The following MCC variants were observed in gnomAD, a reference collection of about 807,000 sequenced individuals.
The protein encoded by MCC is colorectal mutant cancer protein.
MCC carries 90 observed loss-of-function variants against 116.2 expected under a neutral mutation model. The ratio of observed to expected loss-of-function variants is 0.77; its 90% CI spans 0.65 to 0.92. MCC has a LOEUF of 0.92. Ranked by LOEUF, MCC falls within the 40% of genes least tolerant of loss-of-function variation. MCC has a pLI of 0.00. For missense variants in MCC, 1,516 were observed against 1,312.2 expected, an observed-to-expected ratio of 1.16 and a Z score of -2.40; for synonymous variants, 578 against 510.5, an observed-to-expected ratio of 1.13 and a Z score of -1.78.
intron 3 of MCC, among the ~76,000 whole-genome samples, chr5:113,198,139 A>C (rs1329789068): frequency 2.0e-5 from 3 of 152,212 alleles, no homozygotes; most frequent in Non-Finnish European, 4.4e-5. Flanking sequence ...CTCGTGCCAC[A>C]TACAGAAATG....
At chr5:113,377,865 G>T (rs866335664) in intron 2 of MCC, among the ~76,000 whole-genome samples, 2 of 151,908 alleles carry the variant, frequency 1.3e-5, no homozygotes, top group Non-Finnish European at 2.9e-5. Context: ...AAATTAAATT[G>T]TTTACCCTTT....
At chr5:113,073,641 T>C (rs977461606) in intron 11 of MCC, among the ~76,000 whole-genome samples, 1 of 150,902 alleles carries the variant, frequency 6.6e-6, no homozygotes, top group Non-Finnish European at 1.5e-5. Flanking sequence ...AGAATATCAG[T>C]TCGCCATATG....
chr5:113,287,310 CT>C (rs1257651594), intron 3 of MCC, among the ~76,000 whole-genome samples: 2 of 152,138 alleles, frequency 1.3e-5, no homozygotes, highest in African/African-American at 4.8e-5. Context: ...GGATCAAAAA[CT>C]AACTTTGAAA....
chr5:113,123,273 G>A (rs1294988104), intron 5 of MCC, among the ~76,000 whole-genome samples: 1 of 152,230 alleles, frequency 6.6e-6, no homozygotes, highest in East Asian at 1.9e-4. Context: ...GCTGGAGGTT[G>A]GAGATGGGGT....
At position 113,253,164 on chromosome 5, in the gene MCC, C is replaced by T. The variant is rs1006628608; in HGVS notation, c.627+87355G>A. Among the ~76,000 whole-genome samples, 119 of 152,182 alleles carry T rather than the reference C, an allele frequency of 7.8e-4. 10 individuals are homozygous for T. Among genetic ancestry groups the T allele is most frequent in the Non-Finnish European group, 4.4e-5 (3 of 68,044 alleles). ...AGATGAGAGCATACTGAGAAGTAAA[C>T]CACAGCAGAGCTTGGGACACATGCA... is the stretch of plus-strand genomic sequence containing the variant. On this transcript the variant is annotated intron_variant, in intron 3 of 18. Transcript: ENST00000408903.
chr5:113,377,263 A>G lies in MCC; in HGVS notation c.415+7705T>C, dbSNP rs557009292. ...CAAAAAGCCCTAATATATAGTACAG[A>G]AGGAACAAAACTCAAGAAGTAGGTT... On this transcript the variant is annotated intron_variant, in intron 2 of 18. Transcript: ENST00000408903. Among the ~76,000 whole-genome samples, 3 of 152,222 alleles carry G rather than the reference A, an allele frequency of 2.0e-5. No individual in the cohort carries two copies. The South Asian group carries it at 6.2e-4, about 32-fold the overall frequency.
At position 113,080,768 on chromosome 5, in the gene MCC, G is replaced by A. The variant is rs143592996; in HGVS notation, c.1784+2092C>T. Among the ~76,000 whole-genome samples, 227 of 148,124 alleles carry A rather than the reference G, an allele frequency of 1.5e-3. 2 individuals carry two copies. The highest frequency in any genetic ancestry group is 5.4e-3 in the African/African-American group (216 of 40,084). ...GTATACCTATGTAAAAAACCTGCAC[G>A]TTGTGCACATATACCCTAGAACTTA... On this transcript the variant is annotated intron_variant, in intron 11 of 18. Transcript: ENST00000408903.
intron 2 of MCC, among the ~76,000 whole-genome samples, chr5:113,384,541 T>G (rs1581443139): frequency 6.6e-6 from 1 of 151,974 alleles, no homozygotes; most frequent in South Asian, 2.1e-4. Context: ...TGAGCCGAGA[T>G]CCCGCCACTG....
In MCC at chr5:113,294,758, G is replaced by C. The variant is rs547582190; in HGVS notation, c.627+45761C>G. 566 of 992,258 alleles carry C rather than the reference G, an allele frequency of 5.7e-4. 1 individual carries two copies. The African/African-American group carries it at 8.2e-3, about 14-fold the overall frequency. 61.5% of individuals were successfully genotyped at this position (992,258 alleles called of 1,614,324 possible). On this transcript the variant is annotated intron_variant, in intron 3 of 18. Transcript: ENST00000408903. ...CTCGCCGCCCCCCATTACCAGGATGGAGGGCACTTCCCAGCACGAGCCGAC... is the reference window on the plus strand; with the variant it reads ...CTCGCCGCCCCCCATTACCAGGATGCAGGGCACTTCCCAGCACGAGCCGAC...
At chr5:113,291,755 C>A (rs1766503541) in intron 3 of MCC, among the ~76,000 whole-genome samples, 1 of 152,100 alleles carries the variant, frequency 6.6e-6, no homozygotes. Context: ...TAAGCGAAAA[C>A]TAGTGTTTAA....
chr5:113,369,747 C>G (rs1290253645), intron 2 of MCC, among the ~76,000 whole-genome samples: 1 of 152,170 alleles, frequency 6.6e-6, no homozygotes. Flanking sequence ...CTATGTCATA[C>G]TAAATGAACT....
rs561772729 is a variant in MCC at position 113,451,585 on chromosome 5, T to C, written c.170+36660A>G. On this transcript the variant is annotated intron_variant, in intron 1 of 18. Coordinates refer to ENST00000408903, the MANE Select transcript of MCC (RefSeq NM_001085377.2). ...CCTCGTCTCTACTAAAAATACAAAA[T>C]TAGCCAGGCATGGTGGCGCATGCCT... Among the ~76,000 whole-genome samples, 3 of 152,234 alleles carry C rather than the reference T, an allele frequency of 2.0e-5. No homozygotes were observed. The South Asian group carries it at 6.2e-4, about 32-fold the overall frequency.
At chr5:113,191,725 G>C (rs1762159320) in intron 3 of MCC, among the ~76,000 whole-genome samples, 1 of 152,154 alleles carries the variant, frequency 6.6e-6, no homozygotes, top group South Asian at 2.1e-4. Context: ...CTTTTTTCTA[G>C]GACAGTTAAA....
At chr5:113,466,992 G>C (rs1470908085) in intron 1 of MCC, among the ~76,000 whole-genome samples, 1 of 152,094 alleles carries the variant, frequency 6.6e-6, no homozygotes, top group Non-Finnish European at 1.5e-5. Context: ...CTTTTGAGAA[G>C]TGTCTGTTCA....
intron 1 of MCC, among the ~76,000 whole-genome samples, chr5:113,430,978 T>C (rs1770622720): frequency 6.6e-6 from 1 of 151,872 alleles, no homozygotes; most frequent in South Asian, 2.1e-4. Context: ...ATGTGTACGG[T>C]AGGAAGAGCA....
intron 3 of MCC, among the ~76,000 whole-genome samples, chr5:113,228,095 A>T (rs1344975702): frequency 2.0e-5 from 3 of 152,258 alleles, no homozygotes; most frequent in African/African-American, 7.2e-5. Context: ...CTACTTAAGT[A>T]GGTGTTGAAT....
At chr5:113,295,082 C>T in intron 3 of MCC, 1 of 331,808 alleles carries the variant, frequency 3.0e-6, no homozygotes, top group Non-Finnish European at 4.3e-6. Context: ...AGCAGGCATC[C>T]TTCCAGTTCT....
At chr5:113,315,974 G>A (rs915575306) in intron 3 of MCC, among the ~76,000 whole-genome samples, 30 of 151,958 alleles carry the variant, frequency 2.0e-4, no homozygotes, top group African/African-American at 6.5e-4. Flanking sequence ...AGAGATACAC[G>A]TTGGCCGGGC....
chr5:113,427,511 A>G (rs958053669), intron 1 of MCC, among the ~76,000 whole-genome samples: 1 of 152,208 alleles, frequency 6.6e-6, no homozygotes, highest in African/African-American at 2.4e-5. Context: ...TCCTGATCTA[A>G]ATGTGCTAGC....
Sources: allele counts gnomAD v4.1 joint callset (sites outside exome capture counted in the v4.1 genomes callset), GRCh38; gene constraint gnomAD v4.1.1; transcripts MANE v1.5; gene names NCBI Gene and HGNC (gene_info 2026-07-23, HGNC 2026-07-21).